The following USH2A variants were observed in gnomAD, a reference collection of about 807,000 sequenced individuals.
The protein encoded by USH2A is Usher syndrome 2A (autosomal recessive, mild).
USH2A carries 443 observed loss-of-function variants against 538.9 expected under a neutral mutation model. That is an observed-to-expected ratio of 0.82 (90% CI 0.76 to 0.89). The LOEUF is 0.89. Ranked by LOEUF, USH2A falls within the 40% of genes least tolerant of loss-of-function variation. The pLI, the probability that USH2A is intolerant of heterozygous loss-of-function variation, is 0.00. For synonymous variants in USH2A, 2,413 were observed against 2,273.5 expected (o/e 1.06, Z -1.75); for missense variants, 6,633 against 6,324.8 (o/e 1.05, Z -1.65).
chr1:215,875,081 C>T (rs2102447947), intron 43 of USH2A, among the ~76,000 whole-genome samples: 1 of 152,280 alleles, frequency 6.6e-6, no homozygotes, highest in Non-Finnish European at 1.5e-5. Flanking sequence ...GTGGCACCAT[C>T]TAACCAAACA....
intron 32 of USH2A, among the ~76,000 whole-genome samples, chr1:216,009,049 G>A (rs1668479123): frequency 6.6e-6 from 1 of 151,850 alleles, no homozygotes; most frequent in African/African-American, 2.4e-5. Flanking sequence ...GTATCTCTGT[G>A]CCCCAATACC....
chr1:216,208,990 G>A (rs183165774), intron 15 of USH2A, among the ~76,000 whole-genome samples: 1 of 152,316 alleles, frequency 6.6e-6, no homozygotes, highest in East Asian at 1.9e-4. Flanking sequence ...AGGAAAGCAG[G>A]TGTTAAGCAT....
intron 60 of USH2A, among the ~76,000 whole-genome samples, chr1:215,731,655 C>A (rs1294802327): frequency 1.3e-5 from 2 of 152,166 alleles, no homozygotes; most frequent in Admixed American, 6.5e-5. Context: ...TAAAGGCAGT[C>A]ACACTTCTGT....
intron 61 of USH2A, among the ~76,000 whole-genome samples, chr1:215,711,145 T>A (rs1037703613): frequency 1.1e-4 from 17 of 152,216 alleles, no homozygotes; most frequent in African/African-American, 3.9e-4. Context: ...AATGCATGAA[T>A]TAAAATATTG....
intron 38 of USH2A, among the ~76,000 whole-genome samples, chr1:215,905,140 T>A (rs1665605117): frequency 6.6e-6 from 1 of 152,102 alleles, no homozygotes; most frequent in Admixed American, 6.6e-5. Context: ...GAGTGAGCTC[T>A]CAAAGGCAAA....
chr1:216,351,382 A>C (rs2038285090), intron 4 of USH2A, among the ~76,000 whole-genome samples: 1 of 152,204 alleles, frequency 6.6e-6, no homozygotes, highest in African/African-American at 2.4e-5. Flanking sequence ...AGCCTGATGG[A>C]TATCAGGAGG....
chr1:215,689,733 G>A (rs1006070971), intron 61 of USH2A, among the ~76,000 whole-genome samples: 9 of 152,192 alleles, frequency 5.9e-5, no homozygotes, highest in Non-Finnish European at 1.2e-4. Flanking sequence ...GGAAGCCAGG[G>A]CCTCCCTCTC....
intron 38 of USH2A, among the ~76,000 whole-genome samples, chr1:215,918,970 C>T (rs1666029588): frequency 6.6e-6 from 1 of 151,958 alleles, no homozygotes; most frequent in African/African-American, 2.4e-5. Flanking sequence ...ATTTAGAAGT[C>T]TAAAACAAAT....
At chr1:215,997,464 T>C (rs1362633991) in intron 34 of USH2A, among the ~76,000 whole-genome samples, 2 of 152,116 alleles carry the variant, frequency 1.3e-5, no homozygotes, top group Non-Finnish European at 2.9e-5. Context: ...TAAAACTCAG[T>C]GAGGTTAAGT....
chr1:215,942,107 G>A (rs977772804), intron 37 of USH2A, among the ~76,000 whole-genome samples: 3 of 152,096 alleles, frequency 2.0e-5, no homozygotes, highest in East Asian at 1.9e-4. Flanking sequence ...AGGATCTCTC[G>A]CAAGCTCAGG....
chr1:215,887,379 T>C (rs1665087538), intron 41 of USH2A, among the ~76,000 whole-genome samples: 1 of 152,150 alleles, frequency 6.6e-6, no homozygotes, highest in Non-Finnish European at 1.5e-5. Flanking sequence ...ATTAACTCTA[T>C]GCTTGGGTTT....
At chr1:216,417,872 T>C (rs1403259696) in intron 3 of USH2A, among the ~76,000 whole-genome samples, 1 of 152,092 alleles carries the variant, frequency 6.6e-6, no homozygotes, top group African/African-American at 2.4e-5. Context: ...GCTTTAACTG[T>C]ATTGGGCCAT....
At chr1:216,117,676 A>G (rs1289158271) in intron 21 of USH2A, among the ~76,000 whole-genome samples, 1 of 152,046 alleles carries the variant, frequency 6.6e-6, no homozygotes, top group African/African-American at 2.4e-5. Flanking sequence ...AGCTAATACA[A>G]CTATATCTTC....
At chr1:216,146,622 C>T (rs1160340672) in intron 21 of USH2A, among the ~76,000 whole-genome samples, 1 of 152,100 alleles carries the variant, frequency 6.6e-6, no homozygotes, top group Admixed American at 6.6e-5. Context: ...ATTTCCGCAC[C>T]CCAACCTCTT....
At position 216,288,937 on chromosome 1, in the gene USH2A, T is replaced by G. The variant is rs547080983; in HGVS notation, c.1971+343A>C. Reference sequence around the variant, plus strand: ...GCTATATGATCTTCTATGGAATTTTTGGAGAAACTATTCTTGTTTATTTAT... The same window carrying G: ...GCTATATGATCTTCTATGGAATTTTGGGAGAAACTATTCTTGTTTATTTAT... On this transcript the variant is annotated intron_variant, in intron 11 of 71. Transcript: ENST00000307340. Among the ~76,000 whole-genome samples, 8 of 152,356 alleles carry G rather than the reference T, an allele frequency of 5.3e-5. No homozygotes were observed. In the East Asian group the frequency reaches 1.5e-3, roughly 29 times the overall value.
At chr1:215,697,639 A>G (rs1658863449) in intron 61 of USH2A, among the ~76,000 whole-genome samples, 1 of 152,002 alleles carries the variant, frequency 6.6e-6, no homozygotes, top group East Asian at 1.9e-4. Flanking sequence ...CTCCTGCCTC[A>G]GCCTCCCGAG....
chr1:215,807,492 T>C (rs1662536558), intron 49 of USH2A, among the ~76,000 whole-genome samples: 1 of 152,150 alleles, frequency 6.6e-6, no homozygotes, highest in Non-Finnish European at 1.5e-5. Context: ...AGTGGTAGCA[T>C]ACAATCGACA....
intron 21 of USH2A, among the ~76,000 whole-genome samples, chr1:216,173,388 C>T (rs2034309625): frequency 6.6e-6 from 1 of 152,130 alleles, no homozygotes; most frequent in African/African-American, 2.4e-5. Context: ...CCAGAACATG[C>T]CTGAACACAG....
intron 30 of USH2A, among the ~76,000 whole-genome samples, chr1:216,055,963 A>G (rs2030962277): frequency 6.6e-6 from 1 of 152,232 alleles, no homozygotes; most frequent in East Asian, 1.9e-4. Context: ...AAGACTATGC[A>G]GATGTTGATT....
Sources: allele counts gnomAD v4.1 joint callset (sites outside exome capture counted in the v4.1 genomes callset), GRCh38; gene constraint gnomAD v4.1.1; transcripts MANE v1.5; gene names NCBI Gene and HGNC (gene_info 2026-07-23, HGNC 2026-07-21).